Variants in PGR observed in about 807,000 individuals in gnomAD.
The protein encoded by PGR is progesterone receptor.
PGR carries 25 observed loss-of-function variants against 76.1 expected under a neutral mutation model. The observed-to-expected ratio is 0.33, with a 90% CI of 0.24 to 0.46. PGR has a LOEUF of 0.46. PGR is among the 20% of genes least tolerant of loss of function. The probability of loss-of-function intolerance (pLI) is 1.00; values close to 1 mark genes in which losing one functional copy is unlikely to be tolerated. For synonymous variants in PGR, 579 were observed against 535.0 expected, an observed-to-expected ratio of 1.08 and a Z score of -1.14; for missense variants, 1,172 against 1,225.3, an observed-to-expected ratio of 0.96 and a Z score of 0.65.
rs917984199 is a variant in PGR at position 101,031,566 on chromosome 11, C to T, written c.*7550G>A. 1 of 220,582 alleles carries T rather than the reference C, an allele frequency of 4.5e-6. No individual in the cohort carries two copies. The highest frequency in any genetic ancestry group is 9.1e-6 in the Non-Finnish European group (1 of 110,408). 13.7% of individuals were successfully genotyped at this position (220,582 alleles called of 1,614,324 possible). On this transcript the variant is annotated 3_prime_UTR_variant, in exon 8 of 8. Transcript: ENST00000325455. Reference sequence around the variant, plus strand: ...CAAGGCTGTGGAGGGCTCATGAAGTCACAATGTTCTACTGAGAATTTAGCT... The same window carrying T: ...CAAGGCTGTGGAGGGCTCATGAAGTTACAATGTTCTACTGAGAATTTAGCT...
At chr11:101,090,799 G>A (rs11571182) in intron 3 of PGR, among the ~76,000 whole-genome samples, 8 of 152,258 alleles carry the variant, frequency 5.3e-5, no homozygotes, top group African/African-American at 1.4e-4. Context: ...TGCCCAGTAT[G>A]TTACCTGGGT....
intron 2 of PGR, among the ~76,000 whole-genome samples, chr11:101,092,099 C>T (rs1861693895): frequency 6.6e-6 from 1 of 152,174 alleles, no homozygotes; most frequent in Non-Finnish European, 1.5e-5. Context: ...AAGAATCAAT[C>T]CTAGGGCTCC....
Position 101,128,303 on chromosome 11 carries a change from G to T in PGR, c.768C>A (p.Val256=), listed in dbSNP as rs1318057754. The change falls in exon 1 of 8, where the codon GTC becomes GTA. Residue 256 remains valine, a synonymous_variant. Coordinates refer to ENST00000325455, the MANE Select transcript of PGR (RefSeq NM_000926.4). ...GAAAGGGAAA[V]PPGAAAGGVA... ...CGCCTCCTGCTGCCGCCCCCGGCGGGACAGCCGCGGCTCCTCCTCCAGCCG... is the reference window on the plus strand; with the variant it reads ...CGCCTCCTGCTGCCGCCCCCGGCGGTACAGCCGCGGCTCCTCCTCCAGCCG... The T allele has an allele frequency of 6.3e-7, 1 of 1,593,150 alleles. No individual in the cohort carries two copies. The highest frequency in any genetic ancestry group is 2.2e-5 in the East Asian group (1 of 44,452).
chr11:101,046,194 T>C (rs1859874011), intron 6 of PGR, among the ~76,000 whole-genome samples: 1 of 150,896 alleles, frequency 6.6e-6, no homozygotes, highest in Non-Finnish European at 1.5e-5. Flanking sequence ...GGCACAATCA[T>C]GGCTCACTGC....
intron 7 of PGR, 54 bp from the exon 8 acceptor site, chr11:101,039,325 T>C: frequency 7.6e-7 from 1 of 1,322,534 alleles, no homozygotes; most frequent in East Asian, 2.5e-5. Flanking sequence ...TAAATTCATA[T>C]GCTATTCAAA....
intron 3 of PGR, among the ~76,000 whole-genome samples, chr11:101,084,223 T>G (rs908664587): frequency 2.0e-5 from 3 of 152,172 alleles, no homozygotes; most frequent in South Asian, 2.1e-4. Flanking sequence ...ATTGTAAGTT[T>G]CCTGACGTTG....
intron 2 of PGR, among the ~76,000 whole-genome samples, chr11:101,119,859 G>A (rs1188946954): frequency 6.6e-6 from 1 of 152,086 alleles, no homozygotes; most frequent in Non-Finnish European, 1.5e-5. Flanking sequence ...ACAGAAGCAG[G>A]AATTTAAGAT....
intron 4 of PGR, among the ~76,000 whole-genome samples, chr11:101,061,854 T>G (rs1860511602): frequency 6.6e-6 from 1 of 152,172 alleles, no homozygotes. Context: ...AATTCTTCTG[T>G]GATGATATAA....
At chr11:101,064,415 C>T (rs1397054630) in intron 3 of PGR, among the ~76,000 whole-genome samples, 1 of 84,604 alleles carries the variant, frequency 1.2e-5, no homozygotes, top group African/African-American at 5.2e-5. Context: ...GATGGGAAAA[C>T]AAAACAATTG....
In PGR at chr11:101,034,360, C is replaced by T; in HGVS notation, c.*4756G>A. On this transcript the variant is annotated 3_prime_UTR_variant, in exon 8 of 8. Coordinates refer to ENST00000325455, the MANE Select transcript of PGR (RefSeq NM_000926.4). ...TGGGCGCAGCCCCTGTGCCTGTGAC[C>T]TGAGCTCTGCCTTGGAATGAGGTCA... The T allele has an allele frequency of 4.7e-6, 1 of 212,070 alleles. No homozygotes were observed. Among genetic ancestry groups the T allele is most frequent in the Non-Finnish European group, 9.6e-6 (1 of 104,590 alleles). 13.1% of individuals were successfully genotyped at this position (212,070 alleles called of 1,614,324 possible).
At chr11:101,070,622 G>A (rs567142578) in intron 3 of PGR, among the ~76,000 whole-genome samples, 58 of 152,304 alleles carry the variant, frequency 3.8e-4, no homozygotes, top group Non-Finnish European at 6.9e-4. Flanking sequence ...GACCTGGGAC[G>A]CTGGAGCATG....
chr11:101,128,514 G>A lies in PGR; in HGVS notation c.557C>T (p.Pro186Leu), dbSNP rs11571145. 21,689 of 1,603,176 alleles carry A rather than the reference G, an allele frequency of 0.014. 195 individuals are homozygous for A. The highest frequency in any genetic ancestry group is 0.015 in the Non-Finnish European group (17,776 of 1,178,026). Residue 186 changes from proline (P) to leucine (L), a missense_variant, in exon 1 of 8, where the codon CCC becomes CTC. Coordinates refer to ENST00000325455, the MANE Select transcript of PGR (RefSeq NM_000926.4). ...CTGCCGGGCTGGTGACAGGCCCCGG[G>A]GCAGCACTTTATGGGCAGCTGCCGT... ...SGTAAAHKVL[P>L]RGLSPARQLL...
chr11:101,090,860 A>G (rs1206425693), intron 3 of PGR, among the ~76,000 whole-genome samples: 1 of 152,240 alleles, frequency 6.6e-6, no homozygotes, highest in East Asian at 1.9e-4. Flanking sequence ...TGACAGTTGT[A>G]TACGCTTTAA....
chr11:101,121,936 G>C (rs966133853), intron 2 of PGR, among the ~76,000 whole-genome samples: 4 of 152,136 alleles, frequency 2.6e-5, no homozygotes, highest in Non-Finnish European at 1.5e-5. Context: ...GGAGGCCGAG[G>C]CAGGCGGATC....
intron 2 of PGR, among the ~76,000 whole-genome samples, chr11:101,109,344 A>C (rs1862273257): frequency 6.6e-6 from 1 of 152,242 alleles, no homozygotes; most frequent in South Asian, 2.1e-4. Flanking sequence ...CAGTTAGCCA[A>C]GTTGTAAATG....
intron 2 of PGR, among the ~76,000 whole-genome samples, chr11:101,093,634 T>C (rs1273631290): frequency 6.6e-6 from 1 of 152,062 alleles, no homozygotes; most frequent in South Asian, 2.1e-4. Context: ...TAATTTTGTA[T>C]TTTTAGTAGA....
chr11:101,128,665 C>G lies in PGR; in HGVS notation c.406G>C (p.Val136Leu). ...CCAAACAGGCACCAAGAGCTGGTGA[C>G]CTCGCAGGCGGGAGGGCTGGGTTGG... ...QSQPSPPACE[V>L]TSSWCLFGPE... is the part of the protein sequence containing the mutation. The change falls in exon 1 of 8, where the codon GTC (valine) becomes CTC (leucine). Residue 136 changes from valine to leucine, a missense_variant. Transcript: ENST00000325455. The G allele has an allele frequency of 6.3e-7, 1 of 1,596,118 alleles. No individual in the cohort carries two copies. Among genetic ancestry groups the G allele is most frequent in the Admixed American group, 1.7e-5 (1 of 57,388 alleles).
chr11:101,103,785 A>T (rs989344797), intron 2 of PGR, among the ~76,000 whole-genome samples: 1 of 152,242 alleles, frequency 6.6e-6, no homozygotes, highest in Non-Finnish European at 1.5e-5. Context: ...CCAATATTGC[A>T]AAGTTTTAGC....
At position 101,128,378 on chromosome 11, in the gene PGR, C is replaced by T. The variant is rs1832589610; in HGVS notation, c.693G>A (p.Glu231=). 6.2e-7 allele frequency: 1 copy of T among 1,608,314 alleles called. No individual in the cohort carries two copies. Among genetic ancestry groups the T allele is most frequent in the Non-Finnish European group, 8.5e-7 (1 of 1,179,762 alleles). Residue 231 remains glutamate (E), a synonymous_variant, in exon 1 of 8, where the codon GAG becomes GAA. Transcript: ENST00000325455. The part of the protein sequence containing the change: ...VEEEDGSESE[E]SAGPLLKGKP... ...TGCCCTTCAGAAGCGGACCCGCAGA[C>T]TCCTCGGACTCAGAGCCATCCTCCT...
Sources: gnomAD v4.1 joint callset for allele counts (sites outside exome capture counted in the v4.1 genomes callset) on GRCh38, gnomAD v4.1.1 for gene constraint, MANE v1.5 for transcripts, NCBI Gene and HGNC (gene_info 2026-07-23, HGNC 2026-07-21) for gene names.